The following SH3PXD2B variants were observed in gnomAD, a reference collection of about 807,000 sequenced individuals.
SH3PXD2B encodes SH3 and PX domain-containing protein 2B.
A neutral mutation model predicts 73.1 loss-of-function variants in SH3PXD2B; 37 were observed. The observed-to-expected ratio is 0.51, with a 90% confidence interval of 0.39 to 0.67. SH3PXD2B has a LOEUF of 0.67. Among genes scored for constraint, SH3PXD2B ranks in the 30% least tolerant of loss-of-function variants. SH3PXD2B has a pLI of 0.00. For synonymous variants in SH3PXD2B, 457 were observed against 480.5 expected, an observed-to-expected ratio of 0.95 and a Z score of 0.64; for missense variants, 1,053 against 1,197.8, an observed-to-expected ratio of 0.88 and a Z score of 1.78.
chr5:172,393,482 C>T (rs1303872959), intron 4 of SH3PXD2B, among the ~76,000 whole-genome samples: 1 of 152,088 alleles, frequency 6.6e-6, no homozygotes, highest in Non-Finnish European at 1.5e-5. Context: ...CATAGAGAAT[C>T]GTGTCATCTG....
intron 1 of SH3PXD2B, among the ~76,000 whole-genome samples, chr5:172,425,855 G>A (rs911498138): frequency 1.3e-5 from 2 of 152,140 alleles, no homozygotes; most frequent in South Asian, 4.1e-4. Flanking sequence ...GTTAGAGCTG[G>A]AGCGGACCAA....
At chr5:172,383,925 C>G (rs1416792673) in intron 4 of SH3PXD2B, among the ~76,000 whole-genome samples, 1 of 151,872 alleles carries the variant, frequency 6.6e-6, no homozygotes. Context: ...TAGCACACTG[C>G]AACCTCTGCC....
intron 5 of SH3PXD2B, among the ~76,000 whole-genome samples, chr5:172,374,297 G>T (rs1757775336): frequency 6.6e-6 from 1 of 152,116 alleles, no homozygotes; most frequent in Non-Finnish European, 1.5e-5. Flanking sequence ...CCTCCCAAGT[G>T]GTGAGAGGGG....
At chr5:172,342,838 G>A (rs1046860653) in intron 12 of SH3PXD2B, among the ~76,000 whole-genome samples, 1 of 152,170 alleles carries the variant, frequency 6.6e-6, no homozygotes, top group South Asian at 2.1e-4. Context: ...ATGGCTGCGG[G>A]TACTTTGTGG....
In SH3PXD2B at chr5:172,454,287, G is replaced by A. The variant is rs762908120; in HGVS notation, c.66C>T (p.Asn22=). Residue 22 remains asparagine, a synonymous_variant, in exon 1 of 13, where the codon AAC becomes AAT. Coordinates refer to ENST00000311601, the MANE Select transcript of SH3PXD2B (RefSeq NM_001017995.3). ...GCCGCGCCGCACTCACATAATGCTT[G>A]TTGGGCACCCGCCGCTTCTGCACGT... ...VLDVQKRRVP[N]KHYVYIIRVT... is the part of the protein sequence containing the mutation. The A allele has an allele frequency of 1.5e-5, 24 of 1,596,100 alleles. No individual in the cohort carries two copies. The highest frequency in any genetic ancestry group is 1.0e-5 in the Non-Finnish European group (12 of 1,174,820).
chr5:172,335,882 A>T lies in SH3PXD2B; in HGVS notation c.*2487T>A. On this transcript the variant is annotated 3_prime_UTR_variant, in exon 13 of 13. Coordinates refer to ENST00000311601, the MANE Select transcript of SH3PXD2B (RefSeq NM_001017995.3). ...AAGGAGAGAACAGTGAACAGAGAGG[A>T]CTGTGGCTTCAGTACCCGCGGGTCA... is the stretch of plus-strand genomic sequence containing the variant. The T allele has an allele frequency of 8.2e-7, 1 of 1,221,490 alleles. No individual in the cohort carries two copies. Among genetic ancestry groups the T allele is most frequent in the Non-Finnish European group, 1.0e-6 (1 of 982,026 alleles). The allele number at this position is 1,221,490 out of a possible 1,614,324, so 75.7% of individuals were successfully genotyped here. A position where few individuals can be genotyped will look rare whatever the true frequency, so the allele number is the denominator to read the frequency against.
intron 1 of SH3PXD2B, among the ~76,000 whole-genome samples, chr5:172,424,036 A>C (rs1177893854): frequency 6.6e-6 from 1 of 151,942 alleles, no homozygotes; most frequent in South Asian, 2.1e-4. Flanking sequence ...GGGGCTACCC[A>C]TCCTCACTGG....
intron 8 of SH3PXD2B, among the ~76,000 whole-genome samples, chr5:172,356,300 A>G (rs1446214273): frequency 1.3e-5 from 2 of 152,194 alleles, no homozygotes; most frequent in Non-Finnish European, 2.9e-5. Context: ...TCAAACCCCC[A>G]GATCCAGCTC....
chr5:172,368,458 T>TATATATATATTATATATATATATATAAA (rs1757575780), intron 6 of SH3PXD2B, among the ~76,000 whole-genome samples: 3 of 56,652 alleles, frequency 5.3e-5, no homozygotes, highest in Non-Finnish European at 9.2e-5. Context: ...AATGCTTATA[T>TATATATATATTATATATATATATATAAA]ATATATATAT....
chr5:172,339,001 G>T lies in SH3PXD2B; in HGVS notation c.2104C>A (p.Pro702Thr). The T allele has an allele frequency of 6.2e-7, 1 of 1,614,132 alleles. No homozygotes were observed. The highest frequency in any genetic ancestry group is 8.5e-7 in the Non-Finnish European group (1 of 1,179,954). ...TGGGCGCGGCCAGGCCCCTCTCCTG[G>T]GAGGAAGCTTCGGCTGAAGGCCACG... ...QDVAFSRSFL[P>T]GEGPGRAQDR... Residue 702 changes from proline (P) to threonine (T), a missense_variant, in exon 13 of 13, where the codon CCA becomes ACA. Physicochemically the swap from Pro to Thr is conservative, Grantham distance 38. Around this residue, in one of 2 missense-constraint regions of SH3PXD2B, gnomAD observed 587 missense variants for 590.7 expected, o/e 0.99. Coordinates refer to ENST00000311601, the MANE Select transcript of SH3PXD2B (RefSeq NM_001017995.3). This position sits in a 1 kb window ranked among gnomAD's most constrained non-coding sequence, Gnocchi z 6.1.
chr5:172,416,453 G>A lies in SH3PXD2B; in HGVS notation c.156+5963C>T, dbSNP rs188785007. Among the ~76,000 whole-genome samples the A allele has an allele frequency of 3.8e-3, 574 of 151,390 alleles. 5 individuals carry two copies. Among genetic ancestry groups the A allele is most frequent in the African/African-American group, 0.013 (553 of 41,206 alleles). On this transcript the variant is annotated intron_variant, in intron 2 of 12. Transcript: ENST00000311601. ...AATGATTCTCCTGCCTCAGCCTCCT[G>A]AGTAGCTGGGATTACAGGTGCCCAC...
chr5:172,423,555 G>A (rs572415583), intron 1 of SH3PXD2B, among the ~76,000 whole-genome samples: 114 of 143,658 alleles, frequency 7.9e-4, no homozygotes, highest in Non-Finnish European at 1.5e-3. Flanking sequence ...TGGGGGGGGG[G>A]GCGCACATTC....
intron 1 of SH3PXD2B, among the ~76,000 whole-genome samples, chr5:172,439,688 GCGCGCACACACACA>G (rs1759502589): frequency 1.4e-4 from 15 of 104,238 alleles, no homozygotes; most frequent in African/African-American, 5.7e-4. Flanking sequence ...GCGCGCACGC[GCGCGCACACACACA>G]CACACACACA....
In SH3PXD2B at chr5:172,368,587, T is replaced by A. The variant is rs1271635647; in HGVS notation, c.427+5203A>T. Among the ~76,000 whole-genome samples the A allele has an allele frequency of 2.2e-3, 28 of 12,802 alleles. 4 individuals are homozygous for A. Among genetic ancestry groups the A allele is most frequent in the African/African-American group, 9.0e-3 (14 of 1,560 alleles). The allele number at this position is 12,802 out of a possible 152,430, so 8.4% of individuals were successfully genotyped here. A position where few individuals can be genotyped will look rare whatever the true frequency, so the allele number is the denominator to read the frequency against. Reference sequence around the variant, plus strand: ...ATATAAAATATGTTATATATATATATAAAATATGTTATATATATAATATAT... The same window carrying A: ...ATATAAAATATGTTATATATATATAAAAAATATGTTATATATATAATATAT... On this transcript the variant is annotated intron_variant, in intron 6 of 12. Coordinates refer to ENST00000311601, the MANE Select transcript of SH3PXD2B (RefSeq NM_001017995.3).
intron 7 of SH3PXD2B, among the ~76,000 whole-genome samples, chr5:172,360,367 ACT>A (rs1278756265): frequency 6.6e-6 from 1 of 151,856 alleles, no homozygotes; most frequent in Non-Finnish European, 1.5e-5. Context: ...AGGCTCAGCA[ACT>A]CTCTCAAAGT....
At chr5:172,437,933 TC>T (rs1759432316) in intron 1 of SH3PXD2B, among the ~76,000 whole-genome samples, 1 of 151,982 alleles carries the variant, frequency 6.6e-6, no homozygotes, top group Admixed American at 6.6e-5. Context: ...CTGATCTCTC[TC>T]CCCCTGCCTC....
chr5:172,343,837 G>T (rs1229273700), intron 12 of SH3PXD2B, among the ~76,000 whole-genome samples: 2 of 151,444 alleles, frequency 1.3e-5, no homozygotes, highest in African/African-American at 4.9e-5. Flanking sequence ...AGAATGAGGG[G>T]AAAGAAAAGA....
intron 6 of SH3PXD2B, among the ~76,000 whole-genome samples, chr5:172,368,661 A>G (rs865850451): frequency 0.014 from 307 of 22,364 alleles, 77 homozygotes; most frequent in African/African-American, 0.099. Flanking sequence ...AAATATATAT[A>G]TTATATATAT....
At chr5:172,346,595 C>T (rs1283219938) in intron 11 of SH3PXD2B, among the ~76,000 whole-genome samples, 2 of 152,090 alleles carry the variant, frequency 1.3e-5, no homozygotes, top group African/African-American at 4.8e-5. Flanking sequence ...GGGTTGGAAA[C>T]ACTGATGGTG....
Sources: allele counts gnomAD v4.1 joint callset (sites outside exome capture counted in the v4.1 genomes callset), GRCh38; gene constraint gnomAD v4.1.1; regional missense constraint gnomAD v4.1.1; non-coding constraint Gnocchi (gnomAD v3.1); transcripts MANE v1.5; gene names NCBI Gene and HGNC (gene_info 2026-07-23, HGNC 2026-07-21).